Variants in GHR observed in about 807,000 individuals in gnomAD.
GHR encodes GH receptor.
Under a neutral mutation model 67.1 loss-of-function variants are expected in GHR, and 35 were observed. The ratio of observed to expected loss-of-function variants is 0.52; its 90% CI spans 0.40 to 0.69. The LOEUF (loss-of-function observed/expected upper bound fraction) is 0.69, where lower values mean the gene tolerates loss of function less well. Among genes scored for constraint, GHR ranks in the 30% least tolerant of loss-of-function variants. The pLI is 0.00. For synonymous variants in GHR, 272 were observed against 269.1 expected, an observed-to-expected ratio of 1.01 and a Z score of -0.10; for missense variants, 792 against 764.6, an observed-to-expected ratio of 1.04 and a Z score of -0.42.
At position 42,683,916 on chromosome 5, in the gene GHR, A is replaced by G. The variant is rs114989538; in HGVS notation, c.137-4974A>G. 8.0e-3 allele frequency among the ~76,000 whole-genome samples: 1,224 copies of G among 152,174 alleles called. 24 individuals carry two copies. Among genetic ancestry groups the G allele is most frequent in the African/African-American group, 0.028 (1,159 of 41,520 alleles). On this transcript the variant is annotated intron_variant, in intron 3 of 9. Transcript: ENST00000230882. ...GGAAACAATAAATCTAAGAATACTAAGTTTAAGTAATCAAAATGTGTTTCA... is the reference window on the plus strand; with the variant it reads ...GGAAACAATAAATCTAAGAATACTAGGTTTAAGTAATCAAAATGTGTTTCA...
intron 8 of GHR, among the ~76,000 whole-genome samples, chr5:42,716,340 T>G (rs1436635419): frequency 1.3e-5 from 2 of 152,192 alleles, no homozygotes; most frequent in Non-Finnish European, 2.9e-5. Flanking sequence ...TCTGCCTCCC[T>G]GGGAGTCATA....
intron 2 of GHR, among the ~76,000 whole-genome samples, chr5:42,592,099 G>C (rs1430094290): frequency 6.6e-6 from 1 of 152,132 alleles, no homozygotes; most frequent in African/African-American, 2.4e-5. Flanking sequence ...CCTTCAAAGG[G>C]TCTGTGGATT....
chr5:42,608,962 A>T (rs1220828556), intron 2 of GHR, among the ~76,000 whole-genome samples: 1 of 152,160 alleles, frequency 6.6e-6, no homozygotes, highest in African/African-American at 2.4e-5. Flanking sequence ...ATATTATATA[A>T]TTTAAAAATA....
intron 1 of GHR, among the ~76,000 whole-genome samples, chr5:42,445,088 A>G (rs1027707886): frequency 5.9e-5 from 9 of 152,156 alleles, no homozygotes; most frequent in Non-Finnish European, 1.3e-4. Flanking sequence ...ACAAAGCCTC[A>G]TTGTCATTTT....
intron 2 of GHR, among the ~76,000 whole-genome samples, chr5:42,626,754 C>G (rs1006856985): frequency 6.6e-6 from 1 of 152,158 alleles, no homozygotes; most frequent in East Asian, 1.9e-4. Flanking sequence ...TGTCAAGAAA[C>G]GGAGACAAGG....
At chr5:42,438,177 T>C (rs759562108) in intron 1 of GHR, among the ~76,000 whole-genome samples, 3 of 152,198 alleles carry the variant, frequency 2.0e-5, no homozygotes, top group African/African-American at 7.2e-5. Context: ...AGTCCTTTTT[T>C]ATATTATTTA....
chr5:42,583,872 A>T (rs546758947), intron 2 of GHR, among the ~76,000 whole-genome samples: 30 of 145,268 alleles, frequency 2.1e-4, no homozygotes, highest in African/African-American at 7.5e-4. Context: ...TATATCTTTA[A>T]ATAAAGATAT....
intron 1 of GHR, chr5:42,465,535 A>T (rs1351233986): frequency 2.0e-6 from 3 of 1,516,858 alleles, no homozygotes; most frequent in African/African-American, 2.7e-5. Flanking sequence ...CTTCACCTTC[A>T]GGTGTTTCCT....
intron 2 of GHR, among the ~76,000 whole-genome samples, chr5:42,625,257 TA>T (rs1753642316): frequency 6.6e-6 from 1 of 152,180 alleles, no homozygotes; most frequent in African/African-American, 2.4e-5. Flanking sequence ...TTTCTTGTTT[TA>T]TATCAGAAAT....
chr5:42,623,240 C>T (rs1753544538), intron 2 of GHR, among the ~76,000 whole-genome samples: 2 of 152,048 alleles, frequency 1.3e-5, no homozygotes, highest in African/African-American at 4.8e-5. Context: ...GACCTAGATA[C>T]GTGTTTCTGT....
rs1742758114 is a variant in GHR at position 42,424,539 on chromosome 5, C to G, written c.-12+584C>G. 2.6e-6 allele frequency: 4 copies of G among 1,519,550 alleles called. No homozygotes were observed. Among genetic ancestry groups the G allele is most frequent in the Non-Finnish European group, 3.5e-6 (4 of 1,132,682 alleles). 94.1% of individuals were successfully genotyped at this position (1,519,550 alleles called of 1,614,324 possible). ...CGCGTTTGTGCGGGCCGCAGCCGCA[C>G]GTTGGCACCGATGGAACTGGGGTCA... is the stretch of plus-strand genomic sequence containing the variant. On this transcript the variant is annotated intron_variant, in intron 1 of 9. Transcript: ENST00000230882. This position sits in a 1 kb window ranked among gnomAD's most constrained non-coding sequence, Gnocchi z 4.1.
At chr5:42,585,704 A>C (rs761112701) in intron 2 of GHR, among the ~76,000 whole-genome samples, 5 of 152,224 alleles carry the variant, frequency 3.3e-5, no homozygotes, top group Admixed American at 6.5e-5. Context: ...GATTCCAAGG[A>C]ATATTTTTAT....
At chr5:42,534,300 G>A (rs1457467920) in intron 1 of GHR, among the ~76,000 whole-genome samples, 3 of 135,354 alleles carry the variant, frequency 2.2e-5, no homozygotes, top group African/African-American at 5.9e-5. Flanking sequence ...ATGTGTATAT[G>A]TGTATATATG....
chr5:42,470,631 A>C (rs539951903), intron 1 of GHR, among the ~76,000 whole-genome samples: 1 of 152,294 alleles, frequency 6.6e-6, no homozygotes, highest in South Asian at 2.1e-4. Flanking sequence ...TCCTTCCAAT[A>C]GTAAATTTTC....
At chr5:42,500,248 A>T (rs1357619703) in intron 1 of GHR, among the ~76,000 whole-genome samples, 1 of 152,224 alleles carries the variant, frequency 6.6e-6, no homozygotes. Flanking sequence ...CCCAGAAGTT[A>T]TCAGTGTTAC....
chr5:42,446,843 T>A (rs960222825), intron 1 of GHR, among the ~76,000 whole-genome samples: 6 of 152,202 alleles, frequency 3.9e-5, no homozygotes, highest in African/African-American at 1.4e-4. Context: ...ATACTTAAAG[T>A]GCAGACAGAC....
Position 42,719,025 on chromosome 5 carries a change from G to C in GHR, c.1518G>C (p.Lys506Asn). 2.5e-6 allele frequency: 4 copies of C among 1,607,208 alleles called. No homozygotes were observed. In the South Asian group the frequency reaches 4.4e-5, roughly 18 times the overall value. The change falls in exon 10 of 10, where the codon AAG (lysine) becomes AAC (asparagine). Residue 506 changes from lysine (K) to asparagine (N), a missense_variant. Lys to Asn is a moderately conservative substitution (Grantham distance 94). Coordinates refer to ENST00000230882, the MANE Select transcript of GHR (RefSeq NM_000163.5). Reference protein sequence around the residue: ...AGSVVLSPGQKNKAGMSQCDM... With the variant: ...AGSVVLSPGQNNKAGMSQCDM... ...GTGTGGTCCTTTCCCCGGGCCAAAA[G>C]AATAAGGCAGGGATGTCCCAATGTG...
Position 42,719,250 on chromosome 5 carries a change from A to G in GHR, c.1743A>G (p.Thr581=). The G allele has an allele frequency of 2.5e-6, 4 of 1,614,060 alleles. No individual in the cohort carries two copies. The highest frequency in any genetic ancestry group is 3.4e-6 in the Non-Finnish European group (4 of 1,179,928). ...SLTTAAGRPG[T]GEHVPGSEMP... ...CCACTGCTGCTGGGAGGCCTGGGAC[A>G]GGAGAACATGTTCCAGGTTCTGAGA... The change falls in exon 10 of 10, where the codon ACA becomes ACG. Residue 581 remains threonine (T), a synonymous_variant. Coordinates refer to ENST00000230882, the MANE Select transcript of GHR (RefSeq NM_000163.5).
chr5:42,538,897 T>C (rs1748379667), intron 1 of GHR, among the ~76,000 whole-genome samples: 1 of 152,208 alleles, frequency 6.6e-6, no homozygotes, highest in South Asian at 2.1e-4. Flanking sequence ...TTTGTCTTTG[T>C]TGAATTGGGT....
Sources: allele counts gnomAD v4.1 joint callset (sites outside exome capture counted in the v4.1 genomes callset), GRCh38; gene constraint gnomAD v4.1.1; non-coding constraint Gnocchi (gnomAD v3.1); transcripts MANE v1.5; gene names NCBI Gene and HGNC (gene_info 2026-07-23, HGNC 2026-07-21).